UGT1A6: variants seen among roughly 807,000 people sequenced by gnomAD.
The protein encoded by UGT1A6 is UDP-glucuronosyltransferase 1A6.
UGT1A6 carries 32 observed loss-of-function variants against 44.4 expected under a neutral mutation model. The observed-to-expected ratio is 0.72, with a 90% confidence interval of 0.54 to 0.97. UGT1A6 has a LOEUF of 0.97. Ranked by LOEUF, UGT1A6 falls within the 50% of genes least tolerant of loss-of-function variation. The pLI is 0.00. For missense variants in UGT1A6, 685 were observed against 661.9 expected, an observed-to-expected ratio of 1.03 and a Z score of -0.38; for synonymous variants, 238 against 248.5, an observed-to-expected ratio of 0.96 and a Z score of 0.40.
chr2:233,759,816 G>T (rs540177588), intron 1 of UGT1A6, among the ~76,000 whole-genome samples: 2 of 152,284 alleles, frequency 1.3e-5, no homozygotes, highest in East Asian at 3.9e-4. Context: ...AGGCAGTACC[G>T]GGGGAGCTGT....
intron 1 of UGT1A6, among the ~76,000 whole-genome samples, chr2:233,731,282 T>C (rs1433914166): frequency 1.4e-5 from 2 of 144,984 alleles, no homozygotes; most frequent in African/African-American, 2.6e-5. Context: ...CAGTTTTTCT[T>C]TCTTTTTTTT....
intron 1 of UGT1A6, among the ~76,000 whole-genome samples, chr2:233,715,240 A>T (rs2076440317): frequency 6.6e-6 from 1 of 152,092 alleles, no homozygotes; most frequent in African/African-American, 2.4e-5. Flanking sequence ...TCTGTGAAGG[A>T]TGTCTTTTAA....
At chr2:233,725,941 G>A (rs1261379461) in intron 1 of UGT1A6, among the ~76,000 whole-genome samples, 2 of 152,166 alleles carry the variant, frequency 1.3e-5, no homozygotes, top group East Asian at 3.8e-4. Flanking sequence ...TGATGCAGGA[G>A]GATTGTTTGA....
intron 1 of UGT1A6, chr2:233,756,116 T>G (rs939719556): frequency 6.6e-6 from 1 of 152,230 alleles, no homozygotes; most frequent in Non-Finnish European, 1.5e-5. Flanking sequence ...AGTTTTGACT[T>G]TGTAAAATTC....
chr2:233,713,530 T>C (rs1170777444), intron 1 of UGT1A6: 2 of 1,613,964 alleles, frequency 1.2e-6, no homozygotes, highest in Non-Finnish European at 1.7e-6. Context: ...CCATGTGATT[T>C]AGACTTTAAG....
At chr2:233,763,992 G>T (rs1053097795) in intron 1 of UGT1A6, among the ~76,000 whole-genome samples, 85 of 152,324 alleles carry the variant, frequency 5.6e-4, no homozygotes, top group Non-Finnish European at 2.2e-4. Flanking sequence ...AATGCGTGAT[G>T]GTGAAGTCAC....
chr2:233,770,282 A>G (rs1416601751), intron 4 of UGT1A6: 1 of 152,218 alleles, frequency 6.6e-6, no homozygotes, highest in Admixed American at 6.5e-5. Context: ...CAAAATAAAA[A>G]GAAGTGGAAA....
intron 1 of UGT1A6, among the ~76,000 whole-genome samples, chr2:233,715,022 G>C (rs1438116974): frequency 6.6e-6 from 1 of 152,060 alleles, no homozygotes; most frequent in Non-Finnish European, 1.5e-5. Flanking sequence ...AACTACAGGC[G>C]CATGGCACCA....
chr2:233,740,556 T>G (rs1691418967), intron 1 of UGT1A6: 1 of 151,834 alleles, frequency 6.6e-6, no homozygotes, highest in African/African-American at 2.4e-5. Flanking sequence ...AGAAAAAATG[T>G]CCGGCATTTT....
rs202172337 is a variant in UGT1A6, at chr2:233,772,279, T to A, written c.1319T>A (p.Met440Lys). Residue 440 changes from methionine to lysine, a missense_variant, in exon 5 of 5, where the codon ATG (methionine) becomes AAG (lysine). Coordinates refer to ENST00000305139, the MANE Select transcript of UGT1A6 (RefSeq NM_001072.4). ...INDKSYKENIMRLSSLHKDRP... is the reference protein window; with the variant it reads ...INDKSYKENIKRLSSLHKDRP... ...GTGTTTAGTTACAAGGAGAACATCA[T>A]GCGCCTCTCCAGCCTTCACAAGGAC... 1.9e-6 allele frequency: 3 copies of A among 1,614,146 alleles called. No individual in the cohort carries two copies. Among genetic ancestry groups the A allele is most frequent in the African/African-American group, 2.7e-5 (2 of 74,942 alleles).
chr2:233,761,974 C>T (rs914774281), intron 1 of UGT1A6, among the ~76,000 whole-genome samples: 3 of 152,214 alleles, frequency 2.0e-5, no homozygotes, highest in African/African-American at 7.2e-5. Context: ...CTGATATCAC[C>T]TTCGGAGGTG....
intron 1 of UGT1A6, among the ~76,000 whole-genome samples, chr2:233,723,515 T>A (rs1475684057): frequency 9.4e-6 from 1 of 106,756 alleles, no homozygotes; most frequent in Admixed American, 9.1e-5. Flanking sequence ...TGGTCAACAA[T>A]CTTTTTTTTT....
chr2:233,743,289 C>T (rs1692256126), intron 1 of UGT1A6: 3 of 525,668 alleles, frequency 5.7e-6, no homozygotes, highest in Non-Finnish European at 9.9e-6. Flanking sequence ...CTTGGCCATT[C>T]TCAATGATTC....
At chr2:233,721,819 T>C in intron 1 of UGT1A6, 1 of 516,632 alleles carries the variant, frequency 1.9e-6, no homozygotes, top group Non-Finnish European at 3.9e-6. Flanking sequence ...TCCAGCACCC[T>C]ATTTGGGCCA....
rs886183040 is a variant in UGT1A6, at chr2:233,769,751, A to C, written c.1301+1312A>C. 1.1e-5 allele frequency: 16 copies of C among 1,422,712 alleles called. No homozygotes were observed. Among genetic ancestry groups the C allele is most frequent in the Non-Finnish European group, 1.5e-5 (16 of 1,085,126 alleles). 88.1% of individuals were successfully genotyped at this position (1,422,712 alleles called of 1,614,324 possible). A position where few individuals can be genotyped will look rare whatever the true frequency, so the allele number is the denominator to read the frequency against. On this transcript the variant is annotated intron_variant, in intron 4 of 4. Transcript: ENST00000305139. This position sits in a 1 kb window ranked among gnomAD's most constrained non-coding sequence, Gnocchi z 4.4. Reference sequence around the variant, plus strand: ...ACGCCTGTAGTCCCAGCCACTCTGGAGGCTAAGGCGGGAGGATTGCTTGAG... The same window carrying C: ...ACGCCTGTAGTCCCAGCCACTCTGGCGGCTAAGGCGGGAGGATTGCTTGAG...
At position 233,693,246 on chromosome 2, in the gene UGT1A6, C is replaced by T. The variant is rs747771330; in HGVS notation, c.242C>T (p.Pro81Leu). 1.3e-5 allele frequency: 21 copies of T among 1,613,944 alleles called. No individual in the cohort carries two copies. The highest frequency in any genetic ancestry group is 6.7e-5 in the African/African-American group (5 of 74,888). The change falls in exon 1 of 5, where the codon CCG becomes CTG. Residue 81 changes from proline to leucine, a missense_variant. Physicochemically the swap from Pro to Leu is moderately conservative, Grantham distance 98 (BLOSUM62 -3). Transcript: ENST00000305139. ...TACACAAGAAAAATCTATCCAGTGC[C>T]GTATGACCAAGAAGAGCTGAAGAAC... The part of the protein sequence containing the change: ...KYYTRKIYPV[P>L]YDQEELKNRY...
intron 1 of UGT1A6, chr2:233,743,987 G>A (rs576123874): frequency 1.6e-6 from 2 of 1,278,832 alleles, no homozygotes; most frequent in East Asian, 4.9e-5. Flanking sequence ...CCAGGCGCAG[G>A]CCCGAGTGCT....
At chr2:233,695,313 G>A (rs1315730256) in intron 1 of UGT1A6, among the ~76,000 whole-genome samples, 1 of 151,566 alleles carries the variant, frequency 6.6e-6, no homozygotes, top group Non-Finnish European at 1.5e-5. Context: ...TTTAGTAGAG[G>A]CGGGGTTTCA....
At position 233,743,837 on chromosome 2, in the gene UGT1A6, G is replaced by A. The variant is rs371252305; in HGVS notation, c.862-23197G>A. On this transcript the variant is annotated intron_variant, in intron 1 of 4. Coordinates refer to ENST00000305139, the MANE Select transcript of UGT1A6 (RefSeq NM_001072.4). Reference sequence around the variant, plus strand: ...GTTTTTGTCGGGGTGCCACTTGAGCGCCAGCTTGCGGTACGCCTTCTTGAT... The same window carrying A: ...GTTTTTGTCGGGGTGCCACTTGAGCACCAGCTTGCGGTACGCCTTCTTGAT... 45 of 1,367,128 alleles carry A rather than the reference G, an allele frequency of 3.3e-5. No homozygotes were observed. The African/African-American group carries it at 3.6e-4, about 11-fold the overall frequency. 84.7% of individuals were successfully genotyped at this position (1,367,128 alleles called of 1,614,324 possible). A position where few individuals can be genotyped will look rare whatever the true frequency, so the allele number is the denominator to read the frequency against.
Sources: allele counts gnomAD v4.1 joint callset (sites outside exome capture counted in the v4.1 genomes callset), GRCh38; gene constraint gnomAD v4.1.1; non-coding constraint Gnocchi (gnomAD v3.1); transcripts MANE v1.5; gene names NCBI Gene and HGNC (gene_info 2026-07-23, HGNC 2026-07-21).